The following TPH2 variants were observed in gnomAD, a reference collection of about 807,000 sequenced individuals.
TPH2 encodes the protein tryptophan hydroxylase 2, also known as tryptophan 5-hydroxylase 2.
A neutral mutation model predicts 59.1 loss-of-function variants in TPH2; 27 were observed. The observed-to-expected ratio is 0.46, with a 90% CI of 0.34 to 0.63. TPH2 has a LOEUF of 0.63. Ranked by LOEUF, TPH2 falls within the 30% of genes least tolerant of loss-of-function variation. TPH2 has a pLI of 0.01. For synonymous variants in TPH2, 220 were observed against 210.5 expected, an observed-to-expected ratio of 1.05 and a Z score of -0.39; for missense variants, 523 against 588.3, an observed-to-expected ratio of 0.89 and a Z score of 1.15.
chr12:71,999,790 CAG>C (rs1872777626), intron 8 of TPH2, among the ~76,000 whole-genome samples: 1 of 152,220 alleles, frequency 6.6e-6, no homozygotes, highest in South Asian at 2.1e-4. Context: ...AAAGCTGAAA[CAG>C]AACTACAAGG....
rs201345752 is a variant in TPH2 at position 71,938,953 on chromosome 12, C to A, written c.-34C>A. The A allele has an allele frequency of 3.9e-5, 61 of 1,569,806 alleles. No individual in the cohort carries two copies. The highest frequency in any genetic ancestry group is 3.4e-4 in the South Asian group (31 of 90,168). On this transcript the variant is annotated 5_prime_UTR_variant, in exon 1 of 11. Transcript: ENST00000333850. ...CGCTGCTACTGCCCCTCTAGTACCCCCTGCTGCAGAGAAAGAATATTACAC... is the reference window on the plus strand; with the variant it reads ...CGCTGCTACTGCCCCTCTAGTACCCACTGCTGCAGAGAAAGAATATTACAC...
chr12:71,975,825 C>T (rs1872103482), intron 6 of TPH2, among the ~76,000 whole-genome samples: 2 of 152,200 alleles, frequency 1.3e-5, no homozygotes, highest in Admixed American at 6.5e-5. Flanking sequence ...TTACCTCATG[C>T]CTTATGTTGT....
intron 8 of TPH2, among the ~76,000 whole-genome samples, chr12:72,012,368 G>T (rs1294772771): frequency 1.3e-5 from 2 of 152,094 alleles, no homozygotes; most frequent in African/African-American, 4.8e-5. Context: ...TCAGACGAAG[G>T]GGCTCGGCAA....
At chr12:71,941,506 T>C in intron 1 of TPH2, 78 bp from the exon 2 acceptor site, 1 of 1,530,150 alleles carries the variant, frequency 6.5e-7, no homozygotes, top group South Asian at 1.2e-5. Context: ...GAATGACATG[T>C]ATGGGAAAAA....
At chr12:72,016,311 C>A (rs573857725) in intron 8 of TPH2, among the ~76,000 whole-genome samples, 2 of 152,112 alleles carry the variant, frequency 1.3e-5, no homozygotes, top group South Asian at 2.1e-4. Flanking sequence ...CAATATGGAG[C>A]GTTTATTTAC....
At chr12:71,970,112 T>C (rs1871931711) in intron 5 of TPH2, among the ~76,000 whole-genome samples, 1 of 152,244 alleles carries the variant, frequency 6.6e-6, no homozygotes, top group African/African-American at 2.4e-5. Context: ...TAGATAAAAC[T>C]AGTATTTACT....
intron 5 of TPH2, chr12:71,964,446 T>G (rs1225511420): frequency 1.4e-5 from 13 of 948,270 alleles, no homozygotes; most frequent in African/African-American, 1.8e-5. Context: ...CCATGCCCGG[T>G]TAATTTTAGT....
chr12:72,015,774 A>T (rs1187043441), intron 8 of TPH2, among the ~76,000 whole-genome samples: 2 of 152,072 alleles, frequency 1.3e-5, no homozygotes, highest in East Asian at 3.8e-4. Flanking sequence ...AGGACCCTGG[A>T]ATTCCCAGCT....
chr12:71,956,656 C>T (rs1871515073), intron 5 of TPH2, among the ~76,000 whole-genome samples: 1 of 151,730 alleles, frequency 6.6e-6, no homozygotes, highest in Non-Finnish European at 1.5e-5. Context: ...GTTGCCTGAG[C>T]TGGAGTGCAG....
At chr12:71,948,116 T>C (rs893603897) in intron 4 of TPH2, among the ~76,000 whole-genome samples, 1 of 152,138 alleles carries the variant, frequency 6.6e-6, no homozygotes, top group African/African-American at 2.4e-5. Flanking sequence ...AGGAGACCTT[T>C]TTAAAGGGCA....
At chr12:72,004,629 G>C (rs571219282) in intron 8 of TPH2, among the ~76,000 whole-genome samples, 15 of 152,232 alleles carry the variant, frequency 9.9e-5, no homozygotes, top group South Asian at 4.1e-4. Context: ...TAAAAGAAAG[G>C]GTTTTCTGGT....
intron 8 of TPH2, among the ~76,000 whole-genome samples, chr12:72,007,871 G>C (rs1872996587): frequency 6.6e-6 from 1 of 152,080 alleles, no homozygotes; most frequent in South Asian, 2.1e-4. Context: ...TCTTTGGAAA[G>C]ATGTTCTAGC....
chr12:71,999,931 G>T lies in TPH2; in HGVS notation c.1068+5366G>T, dbSNP rs558826189. The stretch of plus-strand genomic sequence containing the variant: ...ATTCTCAATTACAGTTTTCTGGACA[G>T]CACAATATTTTTCCTAAGAAAAGAC... On this transcript the variant is annotated intron_variant, in intron 8 of 10. Coordinates refer to ENST00000333850, the MANE Select transcript of TPH2 (RefSeq NM_173353.4). 3.3e-5 allele frequency among the ~76,000 whole-genome samples: 5 copies of T among 152,266 alleles called. No homozygotes were observed. The South Asian group carries it at 1.0e-3, about 32-fold the overall frequency.
chr12:71,994,451 T>C lies in TPH2; in HGVS notation c.954T>C (p.His318=). 6.2e-7 allele frequency: 1 copy of C among 1,613,980 alleles called. No individual in the cohort carries two copies. The highest frequency in any genetic ancestry group is 1.1e-5 in the South Asian group (1 of 91,084). ...PLYTPEPDTC[H]ELLGHVPLLA... ...TCTTTTTTGTCAGAGACACATGCCA[T>C]GAACTCTTGGGACATGTTCCACTAC... Residue 318 remains histidine (H), a synonymous_variant, in exon 8 of 11, where the codon CAT becomes CAC. Coordinates refer to ENST00000333850, the MANE Select transcript of TPH2 (RefSeq NM_173353.4).
intron 8 of TPH2, among the ~76,000 whole-genome samples, chr12:72,020,644 G>T (rs1040969214): frequency 6.6e-6 from 1 of 151,906 alleles, no homozygotes; most frequent in Non-Finnish European, 1.5e-5. Context: ...GCACCACCAC[G>T]CCCAGCTAAT....
chr12:71,946,666 G>GA (rs1871204924), intron 4 of TPH2, among the ~76,000 whole-genome samples: 1 of 152,158 alleles, frequency 6.6e-6, no homozygotes, highest in African/African-American at 2.4e-5. Context: ...GTTTGATGAG[G>GA]ATGGAAAAGT....
chr12:71,967,241 G>A (rs1050998032), intron 5 of TPH2, among the ~76,000 whole-genome samples: 1 of 152,182 alleles, frequency 6.6e-6, no homozygotes, highest in Non-Finnish European at 1.5e-5. Flanking sequence ...CTTCTCTGCA[G>A]GCACAAGGCT....
chr12:71,954,392 A>G (rs1463954246), intron 5 of TPH2, among the ~76,000 whole-genome samples: 1 of 152,214 alleles, frequency 6.6e-6, no homozygotes, highest in Non-Finnish European at 1.5e-5. Flanking sequence ...AACGCCCTGT[A>G]TCGAGAGGAC....
chr12:72,005,345 A>G (rs769925247), intron 8 of TPH2, among the ~76,000 whole-genome samples: 2 of 151,904 alleles, frequency 1.3e-5, no homozygotes, highest in Non-Finnish European at 2.9e-5. Context: ...GGGGCTTTAA[A>G]GTCTTTACAA....
Sources: gnomAD v4.1 joint callset for allele counts (sites outside exome capture counted in the v4.1 genomes callset) on GRCh38, gnomAD v4.1.1 for gene constraint, MANE v1.5 for transcripts, NCBI Gene and HGNC (gene_info 2026-07-23, HGNC 2026-07-21) for gene names.